The following KCNQ1 variants were observed in gnomAD, a reference collection of about 807,000 sequenced individuals.
KCNQ1 encodes potassium voltage-gated channel subfamily KQT member 1.
KCNQ1 carries 49 observed loss-of-function variants against 72.4 expected under a neutral mutation model. The ratio of observed to expected loss-of-function variants is 0.68; its 90% CI spans 0.54 to 0.86. KCNQ1 has a LOEUF of 0.86. KCNQ1 is among the 40% of genes least tolerant of loss of function. KCNQ1 has a pLI of 0.00. For synonymous variants in KCNQ1, 450 were observed against 412.6 expected, an observed-to-expected ratio of 1.09 and a Z score of -1.10; for missense variants, 790 against 945.1, an observed-to-expected ratio of 0.84 and a Z score of 2.15.
rs1849590166 is a variant in KCNQ1, at chr11:2,642,143, A to G, written c.1394-19818A>G. 2.5e-6 allele frequency: 1 copy of G among 398,178 alleles called. No homozygotes were observed. The highest frequency in any genetic ancestry group is 4.4e-5 in the Admixed American group (1 of 22,706). The allele number at this position is 398,178 out of a possible 1,614,324, so 24.7% of individuals were successfully genotyped here. ...CCATCTGAATTTTAGGATTTTTTCTATTTCCATGAAAAATGGCATTGGTAT... is the reference window on the plus strand; with the variant it reads ...CCATCTGAATTTTAGGATTTTTTCTGTTTCCATGAAAAATGGCATTGGTAT... On this transcript the variant is annotated intron_variant, in intron 10 of 15. Coordinates refer to ENST00000155840, the MANE Select transcript of KCNQ1 (RefSeq NM_000218.3). The surrounding 1 kb of genome is among the most constrained non-coding windows in gnomAD (Gnocchi z 4.3).
intron 6 of KCNQ1, among the ~76,000 whole-genome samples, chr11:2,580,225 C>T (rs1848478897): frequency 6.6e-6 from 1 of 151,910 alleles, no homozygotes; most frequent in Admixed American, 6.6e-5. Context: ...ATTCCTGCCT[C>T]TCAGCCTATC....
rs553443803 is a variant in KCNQ1, at chr11:2,549,531, C to T, written c.478-21097C>T. Among the ~76,000 whole-genome samples the T allele has an allele frequency of 1.3e-3, 204 of 151,330 alleles. No homozygotes were observed. The highest frequency in any genetic ancestry group is 3.3e-3 in the South Asian group (16 of 4,792). ...AAAAGCAGAGGGAGTGGAGTGTCAC[C>T]GGGTGTCCCGGCGTGGGCAGGTCCT... On this transcript the variant is annotated intron_variant, in intron 2 of 15. Coordinates refer to ENST00000155840, the MANE Select transcript of KCNQ1 (RefSeq NM_000218.3). This position sits in a 1 kb window ranked among gnomAD's most constrained non-coding sequence, Gnocchi z 6.2.
chr11:2,831,857 C>T (rs1031280420), intron 15 of KCNQ1, among the ~76,000 whole-genome samples: 2 of 152,014 alleles, frequency 1.3e-5, no homozygotes, highest in African/African-American at 4.8e-5. Context: ...CCTCAAGAGT[C>T]TCACCTGTCC....
intron 15 of KCNQ1, among the ~76,000 whole-genome samples, chr11:2,839,377 C>T (rs544434883): frequency 2.0e-5 from 3 of 152,244 alleles, no homozygotes; most frequent in Non-Finnish European, 2.9e-5. Context: ...AATGTCCGCA[C>T]GGAGCAGCCT....
intron 10 of KCNQ1, chr11:2,616,487 T>C (rs567271894): frequency 7.3e-5 from 29 of 397,850 alleles, no homozygotes; most frequent in African/African-American, 5.8e-4. Context: ...TAATATTAGG[T>C]TATGGATCCT....
At chr11:2,503,393 A>G (rs1313439388) in intron 1 of KCNQ1, among the ~76,000 whole-genome samples, 1 of 152,110 alleles carries the variant, frequency 6.6e-6, no homozygotes, top group Non-Finnish European at 1.5e-5. Flanking sequence ...AAAGAAGACA[A>G]ATGGATGAAA....
In KCNQ1 at chr11:2,481,757, G is replaced by C. The variant is rs567840373; in HGVS notation, c.386+36273G>C. On this transcript the variant is annotated intron_variant, in intron 1 of 15. Transcript: ENST00000155840. The surrounding 1 kb of genome is among the most constrained non-coding windows in gnomAD (Gnocchi z 4.6). ...TCCTCTTTATAAGAATCTAATGCCT[G>C]ATGATCTGTCACTGTCTCCCATCAC... Among the ~76,000 whole-genome samples the C allele has an allele frequency of 1.3e-5, 2 of 152,324 alleles. No individual in the cohort carries two copies. The highest frequency in any genetic ancestry group is 4.1e-4 in the South Asian group (2 of 4,820).
intron 15 of KCNQ1, among the ~76,000 whole-genome samples, chr11:2,839,041 C>CCT (rs1848147236): frequency 7.3e-6 from 1 of 137,484 alleles, no homozygotes; most frequent in Non-Finnish European, 1.6e-5. Flanking sequence ...GGCAGGTGGG[C>CCT]AGCTGCCTCG....
rs554844944 is a variant in KCNQ1, at chr11:2,624,331, A to G, written c.1393+35477A>G. 1.5e-5 allele frequency: 6 copies of G among 398,530 alleles called. No homozygotes were observed. Among genetic ancestry groups the G allele is most frequent in the East Asian group, 3.6e-5 (1 of 28,048 alleles). 24.7% of individuals were successfully genotyped at this position (398,530 alleles called of 1,614,324 possible). On this transcript the variant is annotated intron_variant, in intron 10 of 15. Coordinates refer to ENST00000155840, the MANE Select transcript of KCNQ1 (RefSeq NM_000218.3). This position sits in a 1 kb window ranked among gnomAD's most constrained non-coding sequence, Gnocchi z 4.9. ...ATTTTGGATGAGTCCTTTATCAGGT[A>G]TATCTTTTACAAGTATTGTCTCCCT...
In KCNQ1 at chr11:2,676,139, G is replaced by A. The variant is rs536025600; in HGVS notation, c.1514+14058G>A. The A allele has an allele frequency of 1.3e-5, 5 of 398,602 alleles. No homozygotes were observed. The highest frequency in any genetic ancestry group is 2.1e-5 in the African/African-American group (1 of 48,740). 24.7% of individuals were successfully genotyped at this position (398,602 alleles called of 1,614,324 possible). A position where few individuals can be genotyped will look rare whatever the true frequency, so the allele number is the denominator to read the frequency against. The stretch of plus-strand genomic sequence containing the variant: ...ACGGCTCCTTTTTATACAAATGGTA[G>A]CATACTGTATGTATTTTTCTACACT... On this transcript the variant is annotated intron_variant, in intron 11 of 15. Coordinates refer to ENST00000155840, the MANE Select transcript of KCNQ1 (RefSeq NM_000218.3). This position sits in a 1 kb window ranked among gnomAD's most constrained non-coding sequence, Gnocchi z 4.2.
At chr11:2,460,882 G>A (rs1433664051) in intron 1 of KCNQ1, among the ~76,000 whole-genome samples, 1 of 152,238 alleles carries the variant, frequency 6.6e-6, no homozygotes, top group Non-Finnish European at 1.5e-5. Flanking sequence ...TCTGGTTGAG[G>A]GTTGCTGCCT....
rs1190186572 is a variant in KCNQ1 at position 2,787,991 on chromosome 11, C to T, written c.1794+9954C>T. On this transcript the variant is annotated intron_variant, in intron 15 of 15. Transcript: ENST00000155840. The surrounding 1 kb of genome is among the most constrained non-coding windows in gnomAD (Gnocchi z 6.3). ...GCTGCTTTGGACGGGCATGGCCGTGCGCGCGTGTGGGGAGGTGAGTGTGGC... is the reference window on the plus strand; with the variant it reads ...GCTGCTTTGGACGGGCATGGCCGTGTGCGCGTGTGGGGAGGTGAGTGTGGC... 6.6e-6 allele frequency among the ~76,000 whole-genome samples: 1 copy of T among 152,156 alleles called. No individual in the cohort carries two copies. Among genetic ancestry groups the T allele is most frequent in the South Asian group, 2.1e-4 (1 of 4,826 alleles).
intron 15 of KCNQ1, among the ~76,000 whole-genome samples, chr11:2,780,438 C>T (rs112297325): frequency 0.032 from 4,812 of 152,308 alleles, 244 homozygotes; most frequent in African/African-American, 0.11. Context: ...AGGCGTGCAG[C>T]GGTGCCAATG....
At chr11:2,702,389 C>G (rs752792071) in intron 11 of KCNQ1, among the ~76,000 whole-genome samples, 1 of 152,132 alleles carries the variant, frequency 6.6e-6, no homozygotes, top group African/African-American at 2.4e-5. Flanking sequence ...CCAAGGATGT[C>G]GAACACAGGC....
chr11:2,704,701 G>C lies in KCNQ1; in HGVS notation c.1514+42620G>C, dbSNP rs1162402754. On this transcript the variant is annotated intron_variant, in intron 11 of 15. Coordinates refer to ENST00000155840, the MANE Select transcript of KCNQ1 (RefSeq NM_000218.3). The surrounding 1 kb of genome is among the most constrained non-coding windows in gnomAD (Gnocchi z 4.3). Reference sequence around the variant, plus strand: ...GAGAGAGATGGGAGGGTTGGAGAAAGCGAGCATCTGTGGAGGTGTGAGAAG... The same window carrying C: ...GAGAGAGATGGGAGGGTTGGAGAAACCGAGCATCTGTGGAGGTGTGAGAAG... 1.3e-5 allele frequency among the ~76,000 whole-genome samples: 2 copies of C among 152,220 alleles called. No homozygotes were observed. Among genetic ancestry groups the C allele is most frequent in the Non-Finnish European group, 2.9e-5 (2 of 68,040 alleles).
rs995607770 is a variant in KCNQ1, at chr11:2,682,290, C to T, written c.1514+20209C>T. The T allele has an allele frequency of 5.0e-6, 2 of 398,464 alleles. No individual in the cohort carries two copies. The highest frequency in any genetic ancestry group is 2.1e-5 in the African/African-American group (1 of 48,606). The allele number at this position is 398,464 out of a possible 1,614,324, so 24.7% of individuals were successfully genotyped here. On this transcript the variant is annotated intron_variant, in intron 11 of 15. Transcript: ENST00000155840. This position sits in a 1 kb window ranked among gnomAD's most constrained non-coding sequence, Gnocchi z 5.8. ...AGCTTAAGACTGGGCTGTAAAAAAT[C>T]ACATACCTCCCCTCCCATTCTTAAT... is the stretch of plus-strand genomic sequence containing the variant.
At position 2,664,546 on chromosome 11, in the gene KCNQ1, G is replaced by T; in HGVS notation, c.1514+2465G>T. 2.5e-6 allele frequency: 1 copy of T among 398,758 alleles called. No homozygotes were observed. The highest frequency in any genetic ancestry group is 1.3e-4 in the South Asian group (1 of 7,864). 24.7% of individuals were successfully genotyped at this position (398,758 alleles called of 1,614,324 possible). ...GGGCCCAAACCGCCTGGCGGCAGGG[G>T]TGTGGGGGCCGTGCAGGTCTTCTGC... is the stretch of plus-strand genomic sequence containing the variant. On this transcript the variant is annotated intron_variant, in intron 11 of 15. Coordinates refer to ENST00000155840, the MANE Select transcript of KCNQ1 (RefSeq NM_000218.3). This position sits in a 1 kb window ranked among gnomAD's most constrained non-coding sequence, Gnocchi z 5.1.
At chr11:2,701,661 G>C (rs1850817836) in intron 11 of KCNQ1, among the ~76,000 whole-genome samples, 2 of 152,208 alleles carry the variant, frequency 1.3e-5, no homozygotes, top group African/African-American at 2.4e-5. Flanking sequence ...CAGCTCCCAA[G>C]TGGCTTTCCC....
chr11:2,630,213 A>C, intron 10 of KCNQ1: 1 of 398,222 alleles, frequency 2.5e-6, no homozygotes, highest in Non-Finnish European at 4.4e-6. Context: ...AAAGTATCCC[A>C]TTTCTTGTAT....
Sources: allele counts gnomAD v4.1 joint callset (sites outside exome capture counted in the v4.1 genomes callset), GRCh38; gene constraint gnomAD v4.1.1; non-coding constraint Gnocchi (gnomAD v3.1); transcripts MANE v1.5; gene names NCBI Gene and HGNC (gene_info 2026-07-23, HGNC 2026-07-21).